The following DHRS7 variants were observed in gnomAD, a reference collection of about 807,000 sequenced individuals.
DHRS7 encodes dehydrogenase/reductase SDR family member 7.
DHRS7 carries 34 observed loss-of-function variants against 38.9 expected under a neutral mutation model. That is an observed-to-expected ratio of 0.87 (90% CI 0.66 to 1.16). The LOEUF (loss-of-function observed/expected upper bound fraction) is 1.16, where lower values mean the gene tolerates loss of function less well. Ranked by LOEUF, DHRS7 falls within the 50% of genes most tolerant of loss-of-function variation. The probability of loss-of-function intolerance (pLI) is 0.00; values close to 1 mark genes in which losing one functional copy is unlikely to be tolerated. For synonymous variants in DHRS7, 158 were observed against 153.1 expected, an observed-to-expected ratio of 1.03 and a Z score of -0.24; for missense variants, 421 against 407.0, an observed-to-expected ratio of 1.03 and a Z score of -0.30.
intron 4 of DHRS7, chr14:60,152,688 T>C: frequency 4.0e-6 from 2 of 498,534 alleles, no homozygotes. Context: ...TATCTTTATA[T>C]CCCCAGGGTC....
intron 4 of DHRS7, chr14:60,152,733 C>A (rs768207584): frequency 5.9e-5 from 35 of 592,836 alleles, no homozygotes; most frequent in Non-Finnish European, 9.6e-5. Flanking sequence ...GTGCTTGATA[C>A]ATATTTATTT....
intron 1 of DHRS7, among the ~76,000 whole-genome samples, chr14:60,163,861 G>A (rs187826589): frequency 3.3e-5 from 5 of 152,200 alleles, no homozygotes; most frequent in African/African-American, 1.2e-4. Context: ...CACAAACAAC[G>A]TCTGCAAGGC....
chr14:60,165,533 C>G, upstream of DHRS7: 2 of 1,272,632 alleles, frequency 1.6e-6, no homozygotes, highest in South Asian at 5.4e-5. The surrounding 1 kb of genome is among the most constrained non-coding windows in gnomAD (Gnocchi z 4.6). Flanking sequence ...ATGCGGCACA[C>G]CCGGCGGGGC....
At chr14:60,149,123 C>G (rs940200242) in intron 6 of DHRS7, 5 of 503,976 alleles carry the variant, frequency 9.9e-6, no homozygotes, top group Non-Finnish European at 1.8e-5. Flanking sequence ...CAGGCATGCA[C>G]CACCATGCCC....
chr14:60,164,875 C>A (rs1896834990), intron 1 of DHRS7, among the ~76,000 whole-genome samples: 1 of 152,198 alleles, frequency 6.6e-6, no homozygotes, highest in African/African-American at 2.4e-5. Context: ...ATGTCAGAGT[C>A]CTCAGGAGCA....
At chr14:60,155,771 C>A in intron 2 of DHRS7, 1 of 336,940 alleles carries the variant, frequency 3.0e-6, no homozygotes, top group Non-Finnish European at 5.3e-6. Flanking sequence ...AATTGTTGGT[C>A]ACTCCCTAAT....
Position 60,153,013 on chromosome 14 carries a change from T to G in DHRS7, c.559A>C (p.Thr187Pro). The change falls in exon 4 of 7, where the codon ACT (threonine) becomes CCT (proline). Residue 187 changes from threonine to proline, a missense_variant. Physicochemically the swap from Thr to Pro is conservative, Grantham distance 38 (BLOSUM62 -1). Transcript: ENST00000557185. This position sits in a 1 kb window ranked among gnomAD's most constrained non-coding sequence, Gnocchi z 4.4. ...MIERKQGKIV[T>P]VNSILGIISV... ...ATGATACCCAGGATGCTATTCACAG[T>G]AACAATCTTTCCTTGCTTCCTCTCG... 1 of 1,614,198 alleles carries G rather than the reference T, an allele frequency of 6.2e-7. No homozygotes were observed. The highest frequency in any genetic ancestry group is 8.5e-7 in the Non-Finnish European group (1 of 1,180,014).
Position 60,162,619 on chromosome 14 carries a change from T to A in DHRS7, c.133+2558A>T, listed in dbSNP as rs1896785629. Among the ~76,000 whole-genome samples, 1 of 152,122 alleles carries A rather than the reference T, an allele frequency of 6.6e-6. No homozygotes were observed. Among genetic ancestry groups the A allele is most frequent in the Non-Finnish European group, 1.5e-5 (1 of 68,016 alleles). ...AAAAAATAATAAACCTACAGAGAAG[T>A]CAAGAAGGATTTTTTTTTCTTTTTT... is the stretch of plus-strand genomic sequence containing the variant. On this transcript the variant is annotated intron_variant, in intron 1 of 6. Coordinates refer to ENST00000557185, the MANE Select transcript of DHRS7 (RefSeq NM_016029.4). This position sits in a 1 kb window ranked among gnomAD's most constrained non-coding sequence, Gnocchi z 4.5.
chr14:60,165,068 G>C lies in DHRS7; in HGVS notation c.133+109C>G. 7.1e-7 allele frequency: 1 copy of C among 1,412,716 alleles called. No homozygotes were observed. Among genetic ancestry groups the C allele is most frequent in the Non-Finnish European group, 9.7e-7 (1 of 1,036,264 alleles). 87.5% of individuals were successfully genotyped at this position (1,412,716 alleles called of 1,614,324 possible). A position where few individuals can be genotyped will look rare whatever the true frequency, so the allele number is the denominator to read the frequency against. ...CAGCCGGGCCTTCGGGAAGCTCCAC[G>C]CAACCCACAAAGGACCCGGGATCAC... On this transcript the variant is annotated intron_variant, in intron 1 of 6. Transcript: ENST00000557185. The surrounding 1 kb of genome is among the most constrained non-coding windows in gnomAD (Gnocchi z 4.6).
rs76435820 is a variant in DHRS7 at position 60,159,910 on chromosome 14, T to G, written c.134-3758A>C. 2.3e-3 allele frequency among the ~76,000 whole-genome samples: 354 copies of G among 152,352 alleles called. 1 individual carries two copies. Among genetic ancestry groups the G allele is most frequent in the African/African-American group, 7.8e-3 (325 of 41,586 alleles). ...GCTAGAGCTTCTCATTTGTGATATT[T>G]AATACTAAGATAGAATTGCTGGTTT... On this transcript the variant is annotated intron_variant, in intron 1 of 6. Coordinates refer to ENST00000557185, the MANE Select transcript of DHRS7 (RefSeq NM_016029.4).
upstream of DHRS7, among the ~76,000 whole-genome samples, chr14:60,169,398 G>T (rs78752578): frequency 6.6e-6 from 1 of 152,242 alleles, no homozygotes; most frequent in African/African-American, 2.4e-5. Context: ...GAATGCTGCA[G>T]AAATGATGAG....
In DHRS7 at chr14:60,160,618, C is replaced by CT. The variant is rs556262156; in HGVS notation, c.134-4467dup. 2.2e-4 allele frequency among the ~76,000 whole-genome samples: 33 copies of CT among 152,166 alleles called. No individual in the cohort carries two copies. In the South Asian group the frequency reaches 3.9e-3, roughly 18 times the overall value. The stretch of plus-strand genomic sequence containing the variant: ...CGGGGGGAGGGGACAAGGCCTGGCT[C>CT]TGTCACCCAAGCTGGAGTGCAGTGG... On this transcript the variant is annotated intron_variant, in intron 1 of 6. Transcript: ENST00000557185.
chr14:60,158,956 A>G, intron 1 of DHRS7: 1 of 280,646 alleles, frequency 3.6e-6, no homozygotes, highest in Non-Finnish European at 7.0e-6. Context: ...AGAAGAAATC[A>G]AACTTCTGGT....
chr14:60,153,913 G>A lies in DHRS7; in HGVS notation c.393+46C>T. ...AGCACCACGGATGGGAATCTCTTCT[G>A]CAGTTACTTCAAAGCAAGACTATAT... On this transcript the variant is annotated intron_variant, in intron 3 of 6. Transcript: ENST00000557185. The surrounding 1 kb of genome is among the most constrained non-coding windows in gnomAD (Gnocchi z 4.4). 1 of 1,534,082 alleles carries A rather than the reference G, an allele frequency of 6.5e-7. No homozygotes were observed. Among genetic ancestry groups the A allele is most frequent in the Non-Finnish European group, 9.0e-7 (1 of 1,107,998 alleles).
At position 60,152,943 on chromosome 14, in the gene DHRS7, A is replaced by G. The variant is rs759388616; in HGVS notation, c.629T>C (p.Leu210Pro). 6.2e-7 allele frequency: 1 copy of G among 1,614,092 alleles called. No individual in the cohort carries two copies. The highest frequency in any genetic ancestry group is 1.1e-5 in the South Asian group (1 of 91,082). Reference sequence around the variant, plus strand: ...GTTGAGTTTGAGCAGCCTTACCCGGAGAGCATGCTTGCTAGCACAGTATCC... The same window carrying G: ...GTTGAGTTTGAGCAGCCTTACCCGGGGAGCATGCTTGCTAGCACAGTATCC... ...SIGYCASKHA[L>P]RGFFNGLRTE... The change falls in exon 4 of 7, where the codon CTC (leucine) becomes CCC (proline). Residue 210 changes from leucine (L) to proline (P), a missense_variant. Coordinates refer to ENST00000557185, the MANE Select transcript of DHRS7 (RefSeq NM_016029.4).
Position 60,161,054 on chromosome 14 carries a change from A to C in DHRS7, c.133+4123T>G, listed in dbSNP as rs757622620. Among the ~76,000 whole-genome samples the C allele has an allele frequency of 3.6e-4, 55 of 152,310 alleles. No homozygotes were observed. Among genetic ancestry groups the C allele is most frequent in the Admixed American group, 9.1e-4 (14 of 15,304 alleles). ...GAGTTTCAGATGTACACTTATTGAT[A>C]ATCTTGCTCAGTTTTATCCTGCTTG... On this transcript the variant is annotated intron_variant, in intron 1 of 6. Coordinates refer to ENST00000557185, the MANE Select transcript of DHRS7 (RefSeq NM_016029.4). The surrounding 1 kb of genome is among the most constrained non-coding windows in gnomAD (Gnocchi z 4.2).
rs1002324588 is a variant in DHRS7 at position 60,153,601 on chromosome 14, C to A, written c.393+358G>T. On this transcript the variant is annotated intron_variant, in intron 3 of 6. Transcript: ENST00000557185. The surrounding 1 kb of genome is among the most constrained non-coding windows in gnomAD (Gnocchi z 4.4). Reference sequence around the variant, plus strand: ...ATCCCAGCTACTCAGGAGGCTGAGGCAGGAGAATCCCTTAAACCTGGGAGG... The same window carrying A: ...ATCCCAGCTACTCAGGAGGCTGAGGAAGGAGAATCCCTTAAACCTGGGAGG... Among the ~76,000 whole-genome samples the A allele has an allele frequency of 1.3e-5, 2 of 152,144 alleles. No individual in the cohort carries two copies. Among genetic ancestry groups the A allele is most frequent in the Admixed American group, 6.6e-5 (1 of 15,264 alleles).
At position 60,149,918 on chromosome 14, in the gene DHRS7, A is replaced by G. The variant is rs1342838071; in HGVS notation, c.756+147T>C. 3.0e-5 allele frequency: 25 copies of G among 825,498 alleles called. No homozygotes were observed. In the South Asian group the frequency reaches 3.8e-4, roughly 12 times the overall value. The allele number at this position is 825,498 out of a possible 1,614,324, so 51.1% of individuals were successfully genotyped here. A position where few individuals can be genotyped will look rare whatever the true frequency, so the allele number is the denominator to read the frequency against. ...TTTAGCAAATGAAATTCCATAAACA[A>G]TTTTCATAATGGCAGGAGTTTTGTG... On this transcript the variant is annotated intron_variant, in intron 5 of 6. Coordinates refer to ENST00000557185, the MANE Select transcript of DHRS7 (RefSeq NM_016029.4).
In DHRS7 at chr14:60,153,798, A is replaced by G. The variant is rs1164184534; in HGVS notation, c.393+161T>C. Among the ~76,000 whole-genome samples, 3 of 152,230 alleles carry G rather than the reference A, an allele frequency of 2.0e-5. No homozygotes were observed. Among genetic ancestry groups the G allele is most frequent in the African/African-American group, 4.8e-5 (2 of 41,458 alleles). On this transcript the variant is annotated intron_variant, in intron 3 of 6. Coordinates refer to ENST00000557185, the MANE Select transcript of DHRS7 (RefSeq NM_016029.4). The surrounding 1 kb of genome is among the most constrained non-coding windows in gnomAD (Gnocchi z 4.4). Reference sequence around the variant, plus strand: ...TTAAGACATGAAAAGTACTAATTCCATAATGACAAAGGCTCAGAGATTAAG... The same window carrying G: ...TTAAGACATGAAAAGTACTAATTCCGTAATGACAAAGGCTCAGAGATTAAG...
Sources: allele counts gnomAD v4.1 joint callset (sites outside exome capture counted in the v4.1 genomes callset), GRCh38; gene constraint gnomAD v4.1.1; non-coding constraint Gnocchi (gnomAD v3.1); transcripts MANE v1.5; gene names NCBI Gene and HGNC (gene_info 2026-07-23, HGNC 2026-07-21).